The following PLEKHG1 variants were observed in gnomAD, a reference collection of about 807,000 sequenced individuals.
The protein encoded by PLEKHG1 is pleckstrin homology and RhoGEF domain containing G1.
In PLEKHG1, 44 loss-of-function variants were observed where a neutral mutation model predicts 100.8. The observed-to-expected ratio is 0.44, with a 90% CI of 0.34 to 0.56. PLEKHG1 has a LOEUF of 0.56. Among genes scored for constraint, PLEKHG1 ranks in the 20% least tolerant of loss-of-function variants. PLEKHG1 has a pLI of 0.01. For missense variants in PLEKHG1, 1,545 were observed against 1,720.9 expected (o/e 0.90, Z 1.81); for synonymous variants, 640 against 662.5 (o/e 0.97, Z 0.52).
chr6:150,620,378 G>A (rs1473730184), intron 1 of PLEKHG1, among the ~76,000 whole-genome samples: 1 of 152,212 alleles, frequency 6.6e-6, no homozygotes, highest in Non-Finnish European at 1.5e-5. Flanking sequence ...ACTCCAGGCT[G>A]TGCCCAGGCC....
chr6:150,659,290 AT>A (rs552343687), intron 3 of PLEKHG1, among the ~76,000 whole-genome samples: 32 of 149,138 alleles, frequency 2.1e-4, no homozygotes, highest in African/African-American at 4.2e-4. Context: ...GCTCCAAGGC[AT>A]TTTTTTTTTC....
intron 3 of PLEKHG1, among the ~76,000 whole-genome samples, chr6:150,702,941 C>T (rs574600319): frequency 6.6e-6 from 1 of 152,298 alleles, no homozygotes; most frequent in Admixed American, 6.5e-5. Context: ...CAGCCTCGCA[C>T]TTCTGCATCT....
chr6:150,745,682 CAAAA>C (rs1388779071), intron 2 of PLEKHG1, among the ~76,000 whole-genome samples: 1 of 77,304 alleles, frequency 1.3e-5, no homozygotes, highest in African/African-American at 4.8e-5. Context: ...GACTCCATCT[CAAAA>C]AAAAAAAAAA....
chr6:150,700,247 G>GGTA (rs1780715235), intron 3 of PLEKHG1, among the ~76,000 whole-genome samples: 4 of 152,216 alleles, frequency 2.6e-5, no homozygotes, highest in African/African-American at 9.6e-5. Context: ...TCTGGAAGAT[G>GGTA]CACAGTGAGG....
intron 2 of PLEKHG1, among the ~76,000 whole-genome samples, chr6:150,650,456 A>G (rs1253342613): frequency 6.6e-6 from 1 of 152,204 alleles, no homozygotes; most frequent in Non-Finnish European, 1.5e-5. Context: ...GAAAGGGAAA[A>G]TCAAGGATGA....
At chr6:150,742,757 A>G (rs1398647531) in intron 2 of PLEKHG1, among the ~76,000 whole-genome samples, 2 of 152,030 alleles carry the variant, frequency 1.3e-5, no homozygotes, top group Admixed American at 1.3e-4. Context: ...TCCAAACTAT[A>G]TCAGTAACAT....
At chr6:150,746,391 G>T (rs758525784) in intron 2 of PLEKHG1, among the ~76,000 whole-genome samples, 5 of 152,084 alleles carry the variant, frequency 3.3e-5, no homozygotes, top group Non-Finnish European at 7.4e-5. Flanking sequence ...AGGTTTCACC[G>T]CTTCTTCCTC....
At chr6:150,742,305 C>T (rs1259803797) in intron 2 of PLEKHG1, among the ~76,000 whole-genome samples, 1 of 152,054 alleles carries the variant, frequency 6.6e-6, no homozygotes, top group East Asian at 1.9e-4. Context: ...CAGTGGCTCA[C>T]GCCTGGAATC....
chr6:150,721,372 A>G (rs1234620707), intron 1 of PLEKHG1, among the ~76,000 whole-genome samples: 1 of 148,840 alleles, frequency 6.7e-6, no homozygotes, highest in East Asian at 2.0e-4. Flanking sequence ...TCTGTTACAA[A>G]TGCGATAGAC....
chr6:150,813,316 A>AC (rs1562543246), intron 10 of PLEKHG1, among the ~76,000 whole-genome samples: 1 of 151,616 alleles, frequency 6.6e-6, no homozygotes, highest in Non-Finnish European at 1.5e-5. Context: ...AAAAAAAAAA[A>AC]AAACAAAATG....
intron 15 of PLEKHG1, among the ~76,000 whole-genome samples, chr6:150,837,239 ATG>A (rs142685257): frequency 0.048 from 7,363 of 152,136 alleles, 626 homozygotes; most frequent in African/African-American, 0.17. Flanking sequence ...GTGTGTCTGC[ATG>A]TGTGTGTGTG....
chr6:150,814,707 T>TTTTG (rs1554278287), intron 10 of PLEKHG1, among the ~76,000 whole-genome samples: 1 of 152,130 alleles, frequency 6.6e-6, no homozygotes, highest in Non-Finnish European at 1.5e-5. Context: ...AAAACACCTT[T>TTTTG]TTTTGTTTTG....
intron 14 of PLEKHG1, among the ~76,000 whole-genome samples, chr6:150,826,565 G>A (rs543304316): frequency 1.1e-4 from 16 of 152,168 alleles, no homozygotes; most frequent in Non-Finnish European, 2.4e-4. Flanking sequence ...CTGCCGTATC[G>A]AAATTATTAG....
At chr6:150,785,072 A>C (rs1407835174) in intron 3 of PLEKHG1, among the ~76,000 whole-genome samples, 1 of 152,032 alleles carries the variant, frequency 6.6e-6, no homozygotes, top group African/African-American at 2.4e-5. Context: ...TCTTAGAACT[A>C]GTTGAGAAGA....
At chr6:150,806,213 T>A (rs1455971436) in intron 7 of PLEKHG1, among the ~76,000 whole-genome samples, 1 of 145,506 alleles carries the variant, frequency 6.9e-6, no homozygotes, top group Non-Finnish European at 1.5e-5. Flanking sequence ...CATTCTAATC[T>A]TCCAGGCTGC....
chr6:150,791,802 T>C (rs1786000796), intron 4 of PLEKHG1, among the ~76,000 whole-genome samples: 1 of 152,166 alleles, frequency 6.6e-6, no homozygotes, highest in Admixed American at 6.5e-5. Context: ...CTCCACAAAC[T>C]GAAAGCAAAA....
At chr6:150,827,979 G>A in intron 14 of PLEKHG1, 1 of 1,612,594 alleles carries the variant, frequency 6.2e-7, no homozygotes, top group Non-Finnish European at 8.5e-7. Flanking sequence ...TGTTCAAGAA[G>A]TTACCAAAGC....
intron 1 of PLEKHG1, among the ~76,000 whole-genome samples, chr6:150,730,492 C>T (rs777902943): frequency 4.6e-5 from 7 of 152,136 alleles, no homozygotes; most frequent in Admixed American, 2.0e-4. Flanking sequence ...AATGCTGCTG[C>T]TGATCTGAAA....
chr6:150,617,012 G>T (rs961858375), intron 1 of PLEKHG1, among the ~76,000 whole-genome samples: 1 of 152,176 alleles, frequency 6.6e-6, no homozygotes, highest in African/African-American at 2.4e-5. Flanking sequence ...GGAATATAAT[G>T]ATTTTTACCA....
Sources: gnomAD v4.1 joint callset for allele counts (sites outside exome capture counted in the v4.1 genomes callset) on GRCh38, gnomAD v4.1.1 for gene constraint, MANE v1.5 for transcripts, NCBI Gene and HGNC (gene_info 2026-07-23, HGNC 2026-07-21) for gene names.